The following TMSB15B variants were observed in gnomAD, a reference collection of about 807,000 sequenced individuals.
The protein encoded by TMSB15B is thymosin beta-15B.
At chrX:103,924,053 A>G (rs1165005076) in intron 1 of TMSB15B, among the ~76,000 whole-genome samples, 1 of 112,004 alleles carries the variant, frequency 8.9e-6, no homozygotes, top group African/African-American at 3.2e-5. Flanking sequence ...CCTTCATGAC[A>G]ATCATTTTAC....
chrX:103,939,341 C>A (rs1272657312), intron 1 of TMSB15B, among the ~76,000 whole-genome samples: 1 of 109,895 alleles, frequency 9.1e-6, no homozygotes, highest in Non-Finnish European at 1.9e-5. Flanking sequence ...TTCTTGGAGG[C>A]TTTTTTTTGT....
intron 1 of TMSB15B, chrX:103,931,250 C>T (rs2074984124): frequency 8.9e-6 from 1 of 111,991 alleles, no homozygotes; most frequent in Admixed American, 9.5e-5. Flanking sequence ...GAAAAAGATG[C>T]ATTTATCTCC....
intron 1 of TMSB15B, chrX:103,932,112 C>T (rs1348675784): frequency 2.7e-5 from 3 of 111,884 alleles, no homozygotes; most frequent in Non-Finnish European, 3.8e-5. Flanking sequence ...AACTGGTCAA[C>T]GTTAGGTATT....
At position 103,948,522 on chromosome X, in the gene TMSB15B, A is replaced by G. The variant is rs781873613; in HGVS notation, c.-720-13499A>G. Among the ~76,000 whole-genome samples, 42 of 112,509 alleles carry G rather than the reference A, an allele frequency of 3.7e-4. 1 individual carries two copies. The highest frequency in any genetic ancestry group is 3.5e-3 in the Admixed American group (37 of 10,645). On this transcript the variant is annotated intron_variant, in intron 1 of 3. Coordinates refer to the TMSB15B transcript ENST00000419165. ...GCTTGTAATAGAAAAAATGGAAGCAACTTAAATGTCTATGAGGATGGAAAT... is the reference window on the plus strand; with the variant it reads ...GCTTGTAATAGAAAAAATGGAAGCAGCTTAAATGTCTATGAGGATGGAAAT...
At chrX:103,920,979 G>T (rs1384400602) in intron 1 of TMSB15B, among the ~76,000 whole-genome samples, 1 of 112,258 alleles carries the variant, frequency 8.9e-6, no homozygotes, top group Non-Finnish European at 1.9e-5. Flanking sequence ...GTGGCTAGGA[G>T]GCTCCTGTGG....
At chrX:103,946,506 C>G (rs782503862) in intron 1 of TMSB15B, among the ~76,000 whole-genome samples, 1 of 112,258 alleles carries the variant, frequency 8.9e-6, no homozygotes, top group Non-Finnish European at 1.9e-5. Context: ...GGTAATTCTT[C>G]TCAAATTAGT....
chrX:103,946,353 GA>G (rs1420684537), intron 1 of TMSB15B, among the ~76,000 whole-genome samples: 1 of 112,145 alleles, frequency 8.9e-6, no homozygotes, highest in African/African-American at 3.2e-5. Flanking sequence ...ATGGTCCTGA[GA>G]ATGGCCAAGG....
chrX:103,930,753 AT>A lies in TMSB15B; in HGVS notation c.-721+11462del, dbSNP rs1556319830. 7.8e-4 allele frequency among the ~76,000 whole-genome samples: 83 copies of A among 106,682 alleles called. 1 individual carries two copies. Among genetic ancestry groups the A allele is most frequent in the African/African-American group, 2.7e-3 (79 of 29,424 alleles). 92.6% of individuals were successfully genotyped at this position (106,682 alleles called of 115,157 possible). On this transcript the variant is annotated intron_variant, in intron 1 of 3. Transcript: ENST00000419165. ...AATAATAATAATAATAATAATAATA[AT>A]AATAATAATAATAAATTACTTTCAA...
intron 1 of TMSB15B, among the ~76,000 whole-genome samples, chrX:103,940,127 C>T (rs1556323683): frequency 8.9e-6 from 1 of 112,046 alleles, no homozygotes; most frequent in Admixed American, 9.4e-5. Flanking sequence ...TCAGGAGGCA[C>T]GAGTGTCAGG....
At chrX:103,931,645 G>A (rs1556319964) in intron 1 of TMSB15B, 1 of 112,615 alleles carries the variant, frequency 8.9e-6, no homozygotes, top group Non-Finnish European at 1.9e-5. Flanking sequence ...TGGTATATGT[G>A]ATACTGTGAA....
At chrX:103,930,139 A>G (rs1349181979) in intron 1 of TMSB15B, among the ~76,000 whole-genome samples, 1 of 111,270 alleles carries the variant, frequency 9.0e-6, no homozygotes, top group Non-Finnish European at 1.9e-5. Flanking sequence ...TTTTCACTCC[A>G]CTTACATAAA....
rs1361981167 is a variant in TMSB15B at position 103,930,064 on chromosome X, A to T, written c.-721+10772A>T. Among the ~76,000 whole-genome samples the T allele has an allele frequency of 3.6e-5, 4 of 110,781 alleles. 1 individual carries two copies. Among genetic ancestry groups the T allele is most frequent in the South Asian group, 3.8e-4 (1 of 2,598 alleles). ...TAAATGTAGTTAGTATGACATAAAG[A>T]TCAGAAATCTTAGCCTGTCATTCAG... On this transcript the variant is annotated intron_variant, in intron 1 of 3. Coordinates refer to the TMSB15B transcript ENST00000419165.
At chrX:103,954,227 T>C (rs1456484657) in intron 1 of TMSB15B, among the ~76,000 whole-genome samples, 23 of 112,251 alleles carry the variant, frequency 2.0e-4, no homozygotes, top group South Asian at 3.8e-4. Context: ...TAAGAGACTT[T>C]AGCACTATGG....
chrX:103,921,125 A>G (rs1192851915), intron 1 of TMSB15B, among the ~76,000 whole-genome samples: 3 of 112,152 alleles, frequency 2.7e-5, no homozygotes, highest in African/African-American at 6.5e-5. Context: ...CCCAAGATGT[A>G]GAGTTCCTTG....
chrX:103,944,649 G>C (rs782625829), intron 1 of TMSB15B, among the ~76,000 whole-genome samples: 1 of 111,631 alleles, frequency 9.0e-6, no homozygotes, highest in Admixed American at 9.5e-5. Context: ...CTCTCCATCT[G>C]CACCAGTCTA....
intron 1 of TMSB15B, among the ~76,000 whole-genome samples, chrX:103,944,557 G>C (rs1293746123): frequency 2.7e-5 from 3 of 111,622 alleles, no homozygotes; most frequent in African/African-American, 9.8e-5. Flanking sequence ...ATAGTAGCTG[G>C]GTTTGGGAAG....
intron 1 of TMSB15B, among the ~76,000 whole-genome samples, chrX:103,938,260 G>C (rs1464789337): frequency 9.0e-6 from 1 of 111,325 alleles, no homozygotes; most frequent in Non-Finnish European, 1.9e-5. Context: ...ATTGAAAGTG[G>C]GTTGTTAAAG....
At chrX:103,946,539 A>G (rs1361696824) in intron 1 of TMSB15B, among the ~76,000 whole-genome samples, 1 of 112,506 alleles carries the variant, frequency 8.9e-6, no homozygotes, top group Non-Finnish European at 1.9e-5. Context: ...TATTATTCCA[A>G]TCAAAATATT....
At chrX:103,940,154 C>T (rs1391683424) in intron 1 of TMSB15B, among the ~76,000 whole-genome samples, 1 of 112,274 alleles carries the variant, frequency 8.9e-6, no homozygotes, top group African/African-American at 3.2e-5. Flanking sequence ...CATGAGGAGG[C>T]AATCTGTCCC....
Sources: allele counts gnomAD v4.1 joint callset (sites outside exome capture counted in the v4.1 genomes callset), GRCh38; gene constraint gnomAD v4.1.1; transcripts MANE v1.5; gene names NCBI Gene and HGNC (gene_info 2026-07-23, HGNC 2026-07-21).